ESYT2: variants seen among roughly 807,000 people sequenced by gnomAD.
ESYT2 encodes the protein extended synaptotagmin-2.
In ESYT2, 54 loss-of-function variants were observed where a neutral mutation model predicts 107.2. The ratio of observed to expected loss-of-function variants is 0.50; its 90% CI spans 0.40 to 0.63. The LOEUF (loss-of-function observed/expected upper bound fraction) is 0.63, where lower values mean the gene tolerates loss of function less well. ESYT2 is among the 30% of genes least tolerant of loss of function. ESYT2 has a pLI of 0.00. For synonymous variants in ESYT2, 491 were observed against 434.1 expected, an observed-to-expected ratio of 1.13 and a Z score of -1.63; for missense variants, 1,020 against 1,094.5, an observed-to-expected ratio of 0.93 and a Z score of 0.96.
intron 1 of ESYT2, among the ~76,000 whole-genome samples, chr7:158,813,553 T>C (rs935758278): frequency 5.9e-5 from 9 of 152,252 alleles, no homozygotes. Flanking sequence ...AAATGAAGTC[T>C]ATTAATTTAA....
At chr7:158,745,588 T>G (rs1157288061) in intron 16 of ESYT2, among the ~76,000 whole-genome samples, 1 of 152,052 alleles carries the variant, frequency 6.6e-6, no homozygotes, top group Non-Finnish European at 1.5e-5. Context: ...GGACAGGCAG[T>G]GCTCTGGGCC....
chr7:158,748,256 C>G lies in ESYT2; in HGVS notation c.1582G>C (p.Val528Leu). Residue 528 changes from valine to leucine, a missense_variant, in exon 16 of 23, where the codon GTG becomes CTG. Val to Leu is a conservative substitution (Grantham distance 32, BLOSUM62 1). Coordinates refer to ENST00000275418, the MANE Select transcript of ESYT2 (RefSeq NM_001367773.1). ...SKIRYKTNEPVWEENFTFFIH... is the reference protein window; with the variant it reads ...SKIRYKTNEPLWEENFTFFIH... ...AAGAAAGTGAAGTTTTCCTCCCACA[C>G]AGGTTCATTGGTTTTGTATCGAATC... The G allele has an allele frequency of 8.1e-6, 13 of 1,614,146 alleles. No homozygotes were observed. Among genetic ancestry groups the G allele is most frequent in the Non-Finnish European group, 1.1e-5 (13 of 1,179,998 alleles).
rs747173228 is a variant in ESYT2, at chr7:158,735,520, T to C, written c.2488A>G (p.Lys830Glu). 18 of 1,613,998 alleles carry C rather than the reference T, an allele frequency of 1.1e-5. No individual in the cohort carries two copies. The highest frequency in any genetic ancestry group is 1.5e-5 in the Non-Finnish European group (18 of 1,179,966). Reference sequence around the variant, plus strand: ...GCACTTACTTTGCCAAGGAGCCCTTTGTCTTTGGACAGGAAGCCGCCACTG... The same window carrying C: ...GCACTTACTTTGCCAAGGAGCCCTTCGTCTTTGGACAGGAAGCCGCCACTG... ...KNSGGFLSKD[K>E]GLLGKVLVAL... The change falls in exon 21 of 23, where the codon AAA becomes GAA. Residue 830 changes from lysine (K) to glutamate (E), a missense_variant. Transcript: ENST00000275418.
At chr7:158,781,894 C>T (rs977183191) in intron 6 of ESYT2, among the ~76,000 whole-genome samples, 3 of 139,078 alleles carry the variant, frequency 2.2e-5, no homozygotes, top group Non-Finnish European at 4.6e-5. Flanking sequence ...AGAACGAGAA[C>T]AAGTGTGAGT....
chr7:158,748,267 G>A lies in ESYT2; in HGVS notation c.1571C>T (p.Thr524Ile). The change falls in exon 16 of 23, where the codon ACC becomes ATC. Residue 524 changes from threonine to isoleucine, a missense_variant. Physicochemically the swap from Thr to Ile is moderately conservative, Grantham distance 89. Transcript: ENST00000275418. ...KAQESKIRYK[T>I]NEPVWEENFT... is the part of the protein sequence containing the mutation. The stretch of plus-strand genomic sequence containing the variant: ...GTTTTCCTCCCACACAGGTTCATTG[G>A]TTTTGTATCGAATCTAGAAGAAATA... 1 of 1,613,840 alleles carries A rather than the reference G, an allele frequency of 6.2e-7. No homozygotes were observed. Among genetic ancestry groups the A allele is most frequent in the Non-Finnish European group, 8.5e-7 (1 of 1,179,782 alleles).
intron 1 of ESYT2, among the ~76,000 whole-genome samples, chr7:158,803,187 G>C (rs1839696979): frequency 1.3e-5 from 2 of 152,258 alleles, no homozygotes; most frequent in South Asian, 4.1e-4. Context: ...ACCTAAGTGA[G>C]AGGGTCACCC....
At chr7:158,757,775 GT>G (rs891182185) in intron 13 of ESYT2, among the ~76,000 whole-genome samples, 1 of 143,230 alleles carries the variant, frequency 7.0e-6, no homozygotes, top group African/African-American at 2.9e-5. Flanking sequence ...TTTGTTTTTT[GT>G]TTTTTTTGCT....
At position 158,741,350 on chromosome 7, in the gene ESYT2, GC is replaced by G. The variant is rs1405749652; in HGVS notation, c.2168+172del. 2.0e-5 allele frequency among the ~76,000 whole-genome samples: 3 copies of G among 152,330 alleles called. No homozygotes were observed. In the East Asian group the frequency reaches 5.8e-4, roughly 29 times the overall value. On this transcript the variant is annotated intron_variant, in intron 18 of 22. Transcript: ENST00000275418. ...AGGTTTTATTTCCAAAGTCCGAGATGCAGTGAGCAAAACGGCAACACAACCT... is the reference window on the plus strand; with the variant it reads ...AGGTTTTATTTCCAAAGTCCGAGATGAGTGAGCAAAACGGCAACACAACCT...
Position 158,761,530 on chromosome 7 carries a change from A to G in ESYT2, c.1199T>C (p.Leu400Pro), listed in dbSNP as rs201638107. 2 of 1,614,018 alleles carry G rather than the reference A, an allele frequency of 1.2e-6. No individual in the cohort carries two copies. Among genetic ancestry groups the G allele is most frequent in the African/African-American group, 2.7e-5 (2 of 75,034 alleles). Reference protein sequence around the residue: ...DDFLGSLMIDLIEVEKERLLD... With the variant: ...DDFLGSLMIDPIEVEKERLLD... ...AAGGCGCTCCTTTTCAACTTCAATGAGGTCAATCATAAGACTATAAAAATA... is the reference window on the plus strand; with the variant it reads ...AAGGCGCTCCTTTTCAACTTCAATGGGGTCAATCATAAGACTATAAAAATA... The change falls in exon 11 of 23, where the codon CTC becomes CCC. Residue 400 changes from leucine to proline, a missense_variant. Transcript: ENST00000275418.
At chr7:158,749,817 AT>A in intron 14 of ESYT2, 94 bp from the exon 15 acceptor site, 2 of 1,096,696 alleles carry the variant, frequency 1.8e-6, no homozygotes, top group Non-Finnish European at 2.6e-6. Flanking sequence ...ATTAGTAGTC[AT>A]TTTTATTTAT....
At chr7:158,749,915 T>A (rs1837528658) in intron 14 of ESYT2, among the ~76,000 whole-genome samples, 192 bp from the exon 15 acceptor site, 1 of 152,216 alleles carries the variant, frequency 6.6e-6, no homozygotes, top group South Asian at 2.1e-4. Context: ...AAAACTTTCA[T>A]TTGCACACAA....
Position 158,756,773 on chromosome 7 carries a change from G to A in ESYT2, c.1419+2713C>T, listed in dbSNP as rs370592144. Among the ~76,000 whole-genome samples, 38 of 152,102 alleles carry A rather than the reference G, an allele frequency of 2.5e-4. 1 individual carries two copies. The highest frequency in any genetic ancestry group is 1.9e-3 in the South Asian group (9 of 4,824). On this transcript the variant is annotated intron_variant, in intron 13 of 22. Coordinates refer to ENST00000275418, the MANE Select transcript of ESYT2 (RefSeq NM_001367773.1). ...AAAATACAAAAATTAGCCAGGCGTC[G>A]TGGTGGGTGCCTGTAATCCCAGCTA...
At chr7:158,764,917 A>G in intron 8 of ESYT2, 64 bp from the exon 9 acceptor site, 2 of 1,516,804 alleles carry the variant, frequency 1.3e-6, no homozygotes, top group Non-Finnish European at 1.8e-6. Flanking sequence ...CATGGAAGAT[A>G]GCTACGCACC....
At chr7:158,824,658 TA>T (rs1840385983) in intron 1 of ESYT2, among the ~76,000 whole-genome samples, 1 of 152,150 alleles carries the variant, frequency 6.6e-6, no homozygotes, top group African/African-American at 2.4e-5. Context: ...ATGAGGGTAA[TA>T]AAAGACCAAC....
chr7:158,771,226 T>C (rs939541795), intron 7 of ESYT2, among the ~76,000 whole-genome samples: 3 of 152,224 alleles, frequency 2.0e-5, no homozygotes, highest in Non-Finnish European at 4.4e-5. Context: ...AATACAACGT[T>C]GTTTACAGAG....
Position 158,764,872 on chromosome 7 carries a change from T to C in ESYT2, c.925-19A>G. 6 of 1,611,416 alleles carry C rather than the reference T, an allele frequency of 3.7e-6. No individual in the cohort carries two copies. The highest frequency in any genetic ancestry group is 5.1e-6 in the Non-Finnish European group (6 of 1,178,628). On this transcript the variant is annotated intron_variant, in intron 8 of 22. Transcript: ENST00000275418. ...GAACACCCTGAAAAGAAGAACAAAC[T>C]GAAGTTTAGACCCTTGGCTGGCTTG...
chr7:158,789,398 C>G (rs1000751367), intron 4 of ESYT2, among the ~76,000 whole-genome samples: 1 of 149,432 alleles, frequency 6.7e-6, no homozygotes, highest in Admixed American at 6.6e-5. Context: ...GCTCTGTTGC[C>G]GAGGCTGGAG....
chr7:158,793,001 C>T (rs1216761572), intron 4 of ESYT2, among the ~76,000 whole-genome samples: 2 of 151,988 alleles, frequency 1.3e-5, no homozygotes, highest in African/African-American at 2.4e-5. Context: ...ATCTCCTGAC[C>T]TCGTGATCCG....
At chr7:158,792,155 G>A (rs1431889542) in intron 4 of ESYT2, among the ~76,000 whole-genome samples, 1 of 138,296 alleles carries the variant, frequency 7.2e-6, no homozygotes, top group East Asian at 2.1e-4. Context: ...TTAGTTCCAC[G>A]AGTTCTTTTT....
Sources: allele counts gnomAD v4.1 joint callset (sites outside exome capture counted in the v4.1 genomes callset), GRCh38; gene constraint gnomAD v4.1.1; transcripts MANE v1.5; gene names NCBI Gene and HGNC (gene_info 2026-07-23, HGNC 2026-07-21).